TTC27: variants seen among roughly 807,000 people sequenced by gnomAD.
TTC27 encodes the protein tetratricopeptide repeat domain 27.
In TTC27, 79 loss-of-function variants were observed where a neutral mutation model predicts 115.9. That is an observed-to-expected ratio of 0.68 (90% CI 0.57 to 0.82). The LOEUF is 0.82. Among genes scored for constraint, TTC27 ranks in the 40% least tolerant of loss-of-function variants. The pLI is 0.00. For missense variants in TTC27, 1,054 were observed against 993.1 expected (o/e 1.06, Z -0.82); for synonymous variants, 401 against 356.0 (o/e 1.13, Z -1.42).
At chr2:32,687,212 A>C (rs1979151) in intron 9 of TTC27, among the ~76,000 whole-genome samples, 70,377 of 151,994 alleles carry the variant, frequency 0.46, 16,377 homozygotes, top group East Asian at 0.5. Context: ...TGTGGTTGCA[A>C]AGTTTCTACA....
chr2:32,644,310 C>T (rs1225209883), intron 4 of TTC27, among the ~76,000 whole-genome samples: 3 of 150,424 alleles, frequency 2.0e-5, no homozygotes, highest in Non-Finnish European at 3.0e-5. Context: ...CAAGATCGCG[C>T]ACCGCACTCC....
At chr2:32,748,337 G>A (rs375433044) in intron 12 of TTC27, among the ~76,000 whole-genome samples, 2 of 152,260 alleles carry the variant, frequency 1.3e-5, no homozygotes, top group East Asian at 3.9e-4. Flanking sequence ...GTTGAGACTT[G>A]TTTTGTGGCC....
intron 4 of TTC27, 136 bp downstream of exon 4, chr2:32,640,546 G>A: frequency 1.1e-6 from 1 of 942,580 alleles, no homozygotes; most frequent in Non-Finnish European, 1.6e-6. Context: ...TTAAAAATCT[G>A]ATGAAAATAA....
chr2:32,799,609 G>A (rs1670852586), intron 16 of TTC27, among the ~76,000 whole-genome samples: 1 of 151,950 alleles, frequency 6.6e-6, no homozygotes, highest in African/African-American at 2.4e-5. Context: ...AAAGAGAGCT[G>A]GAATGAATTT....
At chr2:32,777,789 A>C (rs754925926) in intron 13 of TTC27, 93 bp from the exon 14 acceptor site, 99 of 1,118,638 alleles carry the variant, frequency 8.9e-5, no homozygotes, top group Non-Finnish European at 1.2e-4. Context: ...TCTTTCTAGG[A>C]GTGTGTTTGT....
intron 12 of TTC27, among the ~76,000 whole-genome samples, chr2:32,751,261 CACA>C (rs2147984204): frequency 2.1e-5 from 1 of 48,368 alleles, no homozygotes; most frequent in Admixed American, 1.8e-4. Flanking sequence ...GGTTAAACCA[CACA>C]CACACACACA....
chr2:32,780,065 T>G (rs1345961688), intron 14 of TTC27: 1 of 465,340 alleles, frequency 2.1e-6, no homozygotes, highest in East Asian at 7.0e-5. Flanking sequence ...TCTGTGCATA[T>G]TCCACTGTCT....
chr2:32,630,480 A>G, intron 1 of TTC27, 43 bp from the exon 2 acceptor site: 1 of 1,496,204 alleles, frequency 6.7e-7, no homozygotes, highest in South Asian at 1.3e-5. Flanking sequence ...CGGTATGAAA[A>G]ATAATTTTTT....
intron 10 of TTC27, among the ~76,000 whole-genome samples, chr2:32,707,688 G>A (rs1282473640): frequency 1.3e-5 from 2 of 151,862 alleles, no homozygotes; most frequent in South Asian, 4.2e-4. Context: ...CTAAGTTTAG[G>A]TCGCTCTATT....
intron 7 of TTC27, among the ~76,000 whole-genome samples, chr2:32,670,081 C>G (rs1023242688): frequency 6.6e-6 from 1 of 151,704 alleles, no homozygotes; most frequent in Non-Finnish European, 1.5e-5. Flanking sequence ...CTTCACCATG[C>G]TGGCCAGGCT....
At chr2:32,698,761 T>A (rs1042205344) in intron 9 of TTC27, among the ~76,000 whole-genome samples, 1 of 152,140 alleles carries the variant, frequency 6.6e-6, no homozygotes, top group Non-Finnish European at 1.5e-5. Context: ...ATTACAGGCG[T>A]GAGCCACTGC....
chr2:32,704,323 A>T (rs1322390231), intron 10 of TTC27, among the ~76,000 whole-genome samples: 1 of 151,864 alleles, frequency 6.6e-6, no homozygotes, highest in Non-Finnish European at 1.5e-5. Flanking sequence ...AGTAGCTGGG[A>T]TTACAGGCAT....
chr2:32,811,970 G>A (rs1009988492), intron 17 of TTC27, among the ~76,000 whole-genome samples: 6 of 152,092 alleles, frequency 3.9e-5, no homozygotes, highest in African/African-American at 7.2e-5. Flanking sequence ...CCCAGAGAAC[G>A]TGTATCACCT....
intron 13 of TTC27, among the ~76,000 whole-genome samples, chr2:32,763,284 G>A (rs1389941580): frequency 6.6e-6 from 1 of 152,180 alleles, no homozygotes; most frequent in African/African-American, 2.4e-5. Context: ...TGTGAACCAA[G>A]TTTGAACTGT....
At chr2:32,726,112 C>T (rs769865295) in intron 10 of TTC27, among the ~76,000 whole-genome samples, 15 of 152,192 alleles carry the variant, frequency 9.9e-5, no homozygotes, top group Non-Finnish European at 1.3e-4. Flanking sequence ...CCTGGGCCTC[C>T]GGACCTGTTA....
At chr2:32,682,325 C>T (rs1175452647) in intron 9 of TTC27, among the ~76,000 whole-genome samples, 1 of 152,000 alleles carries the variant, frequency 6.6e-6, no homozygotes, top group African/African-American at 2.4e-5. Flanking sequence ...GAGAAAATGC[C>T]CCTATCCCAA....
At chr2:32,672,987 C>G (rs1666064617) in intron 8 of TTC27, among the ~76,000 whole-genome samples, 1 of 152,108 alleles carries the variant, frequency 6.6e-6, no homozygotes, top group African/African-American at 2.4e-5. Context: ...TTCTCAGACC[C>G]CATTCAAATT....
At chr2:32,631,830 T>G (rs80016432) in intron 2 of TTC27, among the ~76,000 whole-genome samples, 5 of 151,460 alleles carry the variant, frequency 3.3e-5, no homozygotes, top group African/African-American at 9.7e-5. Flanking sequence ...TTTTTTTTTT[T>G]GATGGAGTAT....
chr2:32,640,969 A>T (rs749494992), intron 4 of TTC27, among the ~76,000 whole-genome samples: 1 of 152,084 alleles, frequency 6.6e-6, no homozygotes, highest in Non-Finnish European at 1.5e-5. Context: ...GCAAGAGAAC[A>T]AGACTGTGTC....
Sources: allele counts gnomAD v4.1 joint callset (sites outside exome capture counted in the v4.1 genomes callset), GRCh38; gene constraint gnomAD v4.1.1; transcripts MANE v1.5; gene names NCBI Gene and HGNC (gene_info 2026-07-23, HGNC 2026-07-21).